Variants in SHANK2 observed in about 807,000 individuals in gnomAD.
The protein encoded by SHANK2 is SH3 and multiple ankyrin repeat domains protein 2.
In SHANK2, 43 loss-of-function variants were observed where a neutral mutation model predicts 133.7. The observed-to-expected ratio is 0.32, with a 90% CI of 0.25 to 0.41. The LOEUF is 0.41. Ranked by LOEUF, SHANK2 falls within the 10% of genes least tolerant of loss-of-function variation. The pLI, the probability that SHANK2 is intolerant of heterozygous loss-of-function variation, is 1.00. For synonymous variants in SHANK2, 1,017 were observed against 952.8 expected, an observed-to-expected ratio of 1.07 and a Z score of -1.24; for missense variants, 1,994 against 2,235.8, an observed-to-expected ratio of 0.89 and a Z score of 2.18.
chr11:70,640,547 C>T (rs971863903), intron 17 of SHANK2, among the ~76,000 whole-genome samples: 23 of 152,240 alleles, frequency 1.5e-4, no homozygotes, highest in African/African-American at 4.1e-4. Context: ...TTTGTGACAG[C>T]GGCCTCAGGA....
At chr11:71,124,330 G>A (rs1355486096) in intron 3 of SHANK2, among the ~76,000 whole-genome samples, 2 of 112,306 alleles carry the variant, frequency 1.8e-5, no homozygotes, top group Non-Finnish European at 3.9e-5. Context: ...TGATCATAAT[G>A]AGGATGATGA....
intron 3 of SHANK2, among the ~76,000 whole-genome samples, chr11:71,124,714 T>C (rs1429116003): frequency 6.6e-6 from 1 of 152,182 alleles, no homozygotes; most frequent in African/African-American, 2.4e-5. Context: ...ATAGATGATG[T>C]TCCTCTCTAT....
At chr11:70,941,047 T>C (rs1183219578) in intron 10 of SHANK2, among the ~76,000 whole-genome samples, 1 of 152,204 alleles carries the variant, frequency 6.6e-6, no homozygotes, top group Non-Finnish European at 1.5e-5. Flanking sequence ...GCAGAGGGGC[T>C]GATGGAAAAC....
intron 17 of SHANK2, among the ~76,000 whole-genome samples, chr11:70,625,516 G>C (rs993721090): frequency 6.6e-6 from 1 of 152,106 alleles, no homozygotes; most frequent in Admixed American, 6.5e-5. Context: ...TATTCTGGGA[G>C]CCCAGAGACC....
At chr11:71,234,090 G>A (rs1954790415) in intron 1 of SHANK2, among the ~76,000 whole-genome samples, 1 of 136,762 alleles carries the variant, frequency 7.3e-6, no homozygotes, top group South Asian at 2.5e-4. Flanking sequence ...GCTCATGCCT[G>A]TAATCCCAGC....
intron 17 of SHANK2, among the ~76,000 whole-genome samples, chr11:70,632,223 GCC>G (rs2061001645): frequency 2.0e-5 from 3 of 152,090 alleles, no homozygotes; most frequent in African/African-American, 7.2e-5. Context: ...CCGGGTTCAT[GCC>G]ATTCTCCTGC....
chr11:70,645,557 A>G (rs1305400306), intron 17 of SHANK2, among the ~76,000 whole-genome samples: 2 of 152,240 alleles, frequency 1.3e-5, no homozygotes, highest in South Asian at 2.1e-4. Context: ...TACAGGAATT[A>G]AAACCAATCA....
chr11:70,582,448 C>T (rs782031959), intron 17 of SHANK2, among the ~76,000 whole-genome samples: 2 of 152,260 alleles, frequency 1.3e-5, no homozygotes, highest in Non-Finnish European at 2.9e-5. Context: ...ACTCAGCTTC[C>T]CTGTGGAGTC....
intron 17 of SHANK2, among the ~76,000 whole-genome samples, chr11:70,630,081 G>C (rs1555001495): frequency 6.6e-6 from 1 of 152,230 alleles, no homozygotes; most frequent in East Asian, 1.9e-4. Context: ...TGGTCCGGGA[G>C]ATGCACTACC....
chr11:70,757,285 C>T (rs1946895776), intron 14 of SHANK2, among the ~76,000 whole-genome samples: 1 of 152,190 alleles, frequency 6.6e-6, no homozygotes, highest in South Asian at 2.1e-4. Context: ...ACTCTCTAGC[C>T]TCGGTTTCCT....
chr11:70,716,894 A>AC (rs1945937901), intron 14 of SHANK2, among the ~76,000 whole-genome samples: 1 of 93,930 alleles, frequency 1.1e-5, no homozygotes, highest in African/African-American at 5.0e-5. Context: ...CGGGTCCCGG[A>AC]GCCCCCCCCC....
intron 17 of SHANK2, among the ~76,000 whole-genome samples, chr11:70,531,591 G>A (rs1053678068): frequency 3.9e-5 from 6 of 152,250 alleles, no homozygotes; most frequent in Non-Finnish European, 7.3e-5. Context: ...CAAGTCTAGG[G>A]CTAAGGTCCC....
At chr11:71,153,615 G>A (rs1952844556) in intron 2 of SHANK2, among the ~76,000 whole-genome samples, 3 of 152,098 alleles carry the variant, frequency 2.0e-5, no homozygotes, top group South Asian at 2.1e-4. Flanking sequence ...AAAACCTCAC[G>A]GCCAGCGCTG....
chr11:71,230,190 G>A (rs545948871), intron 1 of SHANK2, among the ~76,000 whole-genome samples: 8 of 152,028 alleles, frequency 5.3e-5, no homozygotes, highest in Admixed American at 2.6e-4. Context: ...CTTGGGAGGC[G>A]GAGGCAGGAG....
intron 14 of SHANK2, among the ~76,000 whole-genome samples, chr11:70,769,395 G>A (rs1188805889): frequency 3.9e-5 from 6 of 152,216 alleles, no homozygotes; most frequent in African/African-American, 1.4e-4. Flanking sequence ...CAGGAGAAAT[G>A]CCAGGAGCTT....
At chr11:70,592,875 C>T (rs12281354) in intron 17 of SHANK2, among the ~76,000 whole-genome samples, 29,428 of 152,178 alleles carry the variant, frequency 0.19, 3,166 homozygotes, top group East Asian at 0.41. Flanking sequence ...ATCCCCACCT[C>T]GCCTGGGGTA....
At chr11:70,730,130 A>G (rs1946256220) in intron 14 of SHANK2, among the ~76,000 whole-genome samples, 1 of 152,118 alleles carries the variant, frequency 6.6e-6, no homozygotes, top group Admixed American at 6.5e-5. Flanking sequence ...CCTGTGTGCC[A>G]GCTGCTATTA....
intron 10 of SHANK2, among the ~76,000 whole-genome samples, chr11:70,910,072 C>T (rs1950167639): frequency 6.6e-6 from 1 of 152,184 alleles, no homozygotes; most frequent in African/African-American, 2.4e-5. Context: ...TCTGTGTCCT[C>T]ATCTCCTCTT....
At chr11:70,661,038 C>T (rs1054167295) in intron 16 of SHANK2, among the ~76,000 whole-genome samples, 5 of 152,228 alleles carry the variant, frequency 3.3e-5, no homozygotes, top group African/African-American at 1.2e-4. Context: ...GGCCACGTAA[C>T]GTGTGTGCTG....
Sources: allele counts gnomAD v4.1 joint callset (sites outside exome capture counted in the v4.1 genomes callset), GRCh38; gene constraint gnomAD v4.1.1; transcripts MANE v1.5; gene names NCBI Gene and HGNC (gene_info 2026-07-23, HGNC 2026-07-21).